RAB9A: variants seen among roughly 807,000 people sequenced by gnomAD.
The protein encoded by RAB9A is RAB9A, member RAS oncogene family.
Under a neutral mutation model 10.3 loss-of-function variants are expected in RAB9A, and 1 was observed. The ratio of observed to expected loss-of-function variants is 0.10; its 90% CI spans 0.03 to 0.46. The LOEUF is 0.46. Among genes scored for constraint, RAB9A ranks in the 20% least tolerant of loss-of-function variants. The pLI, the probability that RAB9A is intolerant of heterozygous loss-of-function variation, is 0.96. For missense variants in RAB9A, 92 were observed against 150.3 expected, an observed-to-expected ratio of 0.61 and a Z score of 2.03; for synonymous variants, 39 against 55.2, an observed-to-expected ratio of 0.71 and a Z score of 1.30.
At chrX:13,690,743 G>T (rs756552069) in intron 1 of RAB9A, among the ~76,000 whole-genome samples, 1 of 111,327 alleles carries the variant, frequency 9.0e-6, no homozygotes, top group East Asian at 2.8e-4. Context: ...CTCACTCTGC[G>T]GCGAATATTC....
intron 1 of RAB9A, among the ~76,000 whole-genome samples, chrX:13,692,482 A>C (rs1272513807): frequency 2.7e-5 from 3 of 112,416 alleles, no homozygotes; most frequent in Non-Finnish European, 3.7e-5. Context: ...TTGAGAAGCC[A>C]TTCTTGTTGA....
rs1426832165 is a variant in RAB9A, at chrX:13,702,889, G to A, written c.-115-925G>A. 1.2e-4 allele frequency among the ~76,000 whole-genome samples: 14 copies of A among 112,094 alleles called. No homozygotes were observed. In the Admixed American group the frequency reaches 1.3e-3, roughly 11 times the overall value. On this transcript the variant is annotated intron_variant, in intron 1 of 2. Coordinates refer to ENST00000464506, the MANE Select transcript of RAB9A (RefSeq NM_004251.5). ...ATCCTCAGGGTCTGGCTCATAGTAG[G>A]CACTCACTAAATACTTATTGAAAAA...
intron 1 of RAB9A, among the ~76,000 whole-genome samples, chrX:13,691,755 G>C (rs1363382103): frequency 1.9e-5 from 2 of 104,863 alleles, no homozygotes; most frequent in Non-Finnish European, 3.9e-5. Context: ...AAGAACTTTA[G>C]AGCTATTCAG....
At chrX:13,691,413 G>A (rs907048842) in intron 1 of RAB9A, among the ~76,000 whole-genome samples, 11 of 111,527 alleles carry the variant, frequency 9.9e-5, no homozygotes, top group African/African-American at 3.6e-4. Flanking sequence ...TGTAATCCCA[G>A]CACTTTGGGA....
chrX:13,709,306 C>T lies in RAB9A; in HGVS notation c.560C>T (p.Thr187Ile). 1 of 1,207,764 alleles carries T rather than the reference C, an allele frequency of 8.3e-7. No homozygotes were observed. Among genetic ancestry groups the T allele is most frequent in the Non-Finnish European group, 1.1e-6 (1 of 893,188 alleles). ...DRSDHLIQTD[T>I]VNLHRKPKPS... ...TCAGATCATTTGATTCAGACAGACACAGTCAATCTTCACCGAAAGCCCAAG... is the reference window on the plus strand; with the variant it reads ...TCAGATCATTTGATTCAGACAGACATAGTCAATCTTCACCGAAAGCCCAAG... The change falls in exon 3 of 3, where the codon ACA (threonine) becomes ATA (isoleucine). Residue 187 changes from threonine to isoleucine, a missense_variant. Physicochemically the swap from Thr to Ile is moderately conservative, Grantham distance 89 (BLOSUM62 -1). Transcript: ENST00000464506.
At chrX:13,692,041 G>A (rs2046127436) in intron 1 of RAB9A, among the ~76,000 whole-genome samples, 2 of 110,399 alleles carry the variant, frequency 1.8e-5, no homozygotes, top group Admixed American at 9.7e-5. Context: ...GGTGGCTCAT[G>A]CCTGTAATCT....
At chrX:13,702,425 C>G (rs757551732) in intron 1 of RAB9A, among the ~76,000 whole-genome samples, 1 of 112,221 alleles carries the variant, frequency 8.9e-6, no homozygotes, top group South Asian at 3.7e-4. Context: ...GAACACATCA[C>G]ACTAGAAACC....
rs2046210535 is a variant in RAB9A, at chrX:13,709,137, C to T, written c.391C>T (p.Arg131Trp). 2.5e-6 allele frequency: 3 copies of T among 1,211,557 alleles called. No individual in the cohort carries two copies. Among genetic ancestry groups the T allele is most frequent in the Non-Finnish European group, 2.2e-6 (2 of 895,465 alleles). The change falls in exon 3 of 3, where the codon CGG becomes TGG. Residue 131 changes from arginine to tryptophan, a missense_variant. Coordinates refer to ENST00000464506, the MANE Select transcript of RAB9A (RefSeq NM_004251.5). Reference protein sequence around the residue: ...ILGNKIDISERQVSTEEAQAW... With the variant: ...ILGNKIDISEWQVSTEEAQAW... ...GGGTAACAAGATTGACATAAGCGAA[C>T]GGCAGGTGTCTACAGAAGAAGCCCA...
chrX:13,693,063 A>T (rs1467508895), intron 1 of RAB9A, among the ~76,000 whole-genome samples: 1 of 112,549 alleles, frequency 8.9e-6, no homozygotes. Context: ...TTAGGTCACC[A>T]CATTTCCTTC....
At chrX:13,707,960 C>T (rs1021443014) in intron 2 of RAB9A, among the ~76,000 whole-genome samples, 2 of 111,139 alleles carry the variant, frequency 1.8e-5, no homozygotes, top group South Asian at 7.6e-4. Flanking sequence ...TAGAGAAAGT[C>T]CCTGGTAGGA....
chrX:13,703,247 G>C (rs973195242), intron 1 of RAB9A, among the ~76,000 whole-genome samples: 1 of 112,539 alleles, frequency 8.9e-6, no homozygotes, highest in African/African-American at 3.2e-5. Flanking sequence ...GGGCTTTAGA[G>C]TCAGTCGGCC....
At chrX:13,693,951 G>C (rs893493705) in intron 1 of RAB9A, among the ~76,000 whole-genome samples, 1 of 111,724 alleles carries the variant, frequency 9.0e-6, no homozygotes, top group African/African-American at 3.3e-5. Context: ...TTTGACAGGG[G>C]ATGGAGAAAC....
chrX:13,693,142 A>G (rs1469470471), intron 1 of RAB9A, among the ~76,000 whole-genome samples: 1 of 106,227 alleles, frequency 9.4e-6, no homozygotes, highest in Non-Finnish European at 1.9e-5. Context: ...GAGGCAGCAA[A>G]TTATTAGCTT....
At chrX:13,700,842 C>G (rs2046169888) in intron 1 of RAB9A, among the ~76,000 whole-genome samples, 2 of 110,870 alleles carry the variant, frequency 1.8e-5, no homozygotes, top group African/African-American at 6.6e-5. Flanking sequence ...GTGATCACAG[C>G]TCACTGCAGC....
intron 1 of RAB9A, among the ~76,000 whole-genome samples, chrX:13,691,399 C>A (rs1299903008): frequency 9.0e-6 from 1 of 111,637 alleles, no homozygotes; most frequent in Non-Finnish European, 1.9e-5. Flanking sequence ...CGGTGGCTCA[C>A]GCCTGTAATC....
At chrX:13,691,331 A>T (rs2046121795) in intron 1 of RAB9A, among the ~76,000 whole-genome samples, 1 of 111,327 alleles carries the variant, frequency 9.0e-6, no homozygotes, top group Non-Finnish European at 1.9e-5. Context: ...AGCAGGGGAA[A>T]ATTCTCTCTA....
At chrX:13,689,745 C>G (rs768229021) in intron 1 of RAB9A, among the ~76,000 whole-genome samples, 233 of 111,730 alleles carry the variant, frequency 2.1e-3, no homozygotes, top group Non-Finnish European at 3.7e-3. Context: ...GAAGTTCCAC[C>G]TAGCAGAACG....
intron 1 of RAB9A, among the ~76,000 whole-genome samples, chrX:13,695,013 A>G (rs1440664567): frequency 2.7e-5 from 3 of 111,713 alleles, no homozygotes; most frequent in South Asian, 3.7e-4. Context: ...TTCCTTAGGA[A>G]GTGGGTCTGC....
intron 1 of RAB9A, among the ~76,000 whole-genome samples, chrX:13,700,601 C>T (rs376606624): frequency 2.7e-5 from 3 of 111,137 alleles, no homozygotes; most frequent in Admixed American, 9.6e-5. Context: ...GGTACCGGCA[C>T]GTGGTGTGGG....
Sources: gnomAD v4.1 joint callset for allele counts (sites outside exome capture counted in the v4.1 genomes callset) on GRCh38, gnomAD v4.1.1 for gene constraint, MANE v1.5 for transcripts, NCBI Gene and HGNC (gene_info 2026-07-23, HGNC 2026-07-21) for gene names.